FREM1: variants seen among roughly 807,000 people sequenced by gnomAD.
FREM1 encodes the protein FRAS1-related extracellular matrix protein 1.
A neutral mutation model predicts 210.1 loss-of-function variants in FREM1; 220 were observed. The ratio of observed to expected loss-of-function variants is 1.05; its 90% CI spans 0.94 to 1.17. The LOEUF is 1.17. Ranked by LOEUF, FREM1 falls within the 50% of genes most tolerant of loss-of-function variation. The pLI is 0.00. For synonymous variants in FREM1, 1,189 were observed against 980.2 expected, an observed-to-expected ratio of 1.21 and a Z score of -3.98; for missense variants, 3,454 against 2,675.5, an observed-to-expected ratio of 1.29 and a Z score of -6.42.
At chr9:14,747,128 C>A in intron 33 of FREM1, 77 bp from the exon 34 acceptor site, 1 of 1,599,608 alleles carries the variant, frequency 6.3e-7, no homozygotes, top group South Asian at 1.1e-5. Flanking sequence ...TCCTTTGGGT[C>A]TTCATTTGTT....
chr9:14,806,370 C>G (rs1818365738), intron 18 of FREM1, among the ~76,000 whole-genome samples: 1 of 151,832 alleles, frequency 6.6e-6, no homozygotes, highest in African/African-American at 2.4e-5. Context: ...ATTCTCCTGC[C>G]TCAGCCTCCC....
In FREM1 at chr9:14,822,765, G is replaced by C. The variant is rs1025879065; in HGVS notation, c.2337+395C>G. Among the ~76,000 whole-genome samples, 8 of 152,244 alleles carry C rather than the reference G, an allele frequency of 5.3e-5. No individual in the cohort carries two copies. In the East Asian group the frequency reaches 1.5e-3, roughly 29 times the overall value. On this transcript the variant is annotated intron_variant, in intron 13 of 36. Transcript: ENST00000380880. ...TCTTGATTCATTTTGGAAAATTAAA[G>C]AGCTTCTTTAGATTACAGAGCAGCA...
chr9:14,810,142 A>G (rs1014635941), intron 16 of FREM1, among the ~76,000 whole-genome samples: 2 of 152,000 alleles, frequency 1.3e-5, no homozygotes, highest in Non-Finnish European at 2.9e-5. Flanking sequence ...GAGTTTGCCA[A>G]GCAGATAAGG....
At chr9:14,799,971 C>T (rs571027272) in intron 20 of FREM1, among the ~76,000 whole-genome samples, 113 of 132,852 alleles carry the variant, frequency 8.5e-4, no homozygotes, top group Non-Finnish European at 1.5e-3. Context: ...CAACAGTCCC[C>T]AGAGTGTGAT....
At chr9:14,799,595 T>A (rs78961499) in intron 20 of FREM1, among the ~76,000 whole-genome samples, 11,323 of 152,100 alleles carry the variant, frequency 0.074, 674 homozygotes, top group African/African-American at 0.16. Flanking sequence ...TGTTATTTTT[T>A]AAAAAATTGA....
Position 14,897,546 on chromosome 9 carries a change from A to C in FREM1, c.-268+12368T>G, listed in dbSNP as rs534404317. On this transcript the variant is annotated intron_variant, in intron 1 of 36. Coordinates refer to ENST00000380880, the MANE Select transcript of FREM1 (RefSeq NM_001379081.2). Reference sequence around the variant, plus strand: ...GATGTAGTAAAGAAAAAAAAAGCGCAACACCTAAAACCAACAAAGAGGCTT... The same window carrying C: ...GATGTAGTAAAGAAAAAAAAAGCGCCACACCTAAAACCAACAAAGAGGCTT... 2.6e-4 allele frequency among the ~76,000 whole-genome samples: 40 copies of C among 152,142 alleles called. No homozygotes were observed. The South Asian group carries it at 7.7e-3, about 29-fold the overall frequency.
intron 2 of FREM1, among the ~76,000 whole-genome samples, chr9:14,866,593 C>G (rs532548228): frequency 3.3e-5 from 5 of 152,180 alleles, no homozygotes; most frequent in African/African-American, 1.2e-4. Flanking sequence ...AACTGGAAGA[C>G]AGCTTAGACA....
At chr9:14,850,103 C>A (rs1436190010) in intron 6 of FREM1, among the ~76,000 whole-genome samples, 1 of 152,200 alleles carries the variant, frequency 6.6e-6, no homozygotes, top group African/African-American at 2.4e-5. Context: ...CTCTATCAGT[C>A]TGCTCGTTTA....
At chr9:14,804,271 T>C (rs1817925313) in intron 19 of FREM1, among the ~76,000 whole-genome samples, 1 of 152,166 alleles carries the variant, frequency 6.6e-6, no homozygotes, top group South Asian at 2.1e-4. Context: ...CAGTAGTCTC[T>C]CTAGGGAATG....
At chr9:14,874,912 C>T (rs919957340) in intron 1 of FREM1, among the ~76,000 whole-genome samples, 42 of 152,110 alleles carry the variant, frequency 2.8e-4, no homozygotes, top group African/African-American at 9.9e-4. Flanking sequence ...TGTTTTATTT[C>T]TCCTTCACTT....
chr9:14,784,197 CTTTCCTTTTT>C (rs1311771095), intron 24 of FREM1, 163 bp downstream of exon 24: 1 of 537,298 alleles, frequency 1.9e-6, no homozygotes, highest in Non-Finnish European at 3.0e-6. Flanking sequence ...TTCTCCTTTT[CTTTCCTTTTT>C]TTAAAAAACA....
intron 27 of FREM1, among the ~76,000 whole-genome samples, chr9:14,766,161 C>G (rs1482037835): frequency 6.6e-6 from 1 of 152,170 alleles, no homozygotes; most frequent in Non-Finnish European, 1.5e-5. Context: ...GCTTTATTTC[C>G]TTATCCTCAG....
chr9:14,902,750 C>T (rs527880383), intron 1 of FREM1, among the ~76,000 whole-genome samples: 1 of 152,286 alleles, frequency 6.6e-6, no homozygotes, highest in African/African-American at 2.4e-5. Context: ...TTAGTCCTGT[C>T]TGAGGAATTT....
At chr9:14,746,310 G>C (rs771790384) in intron 35 of FREM1, 43 bp downstream of exon 35, 1 of 1,366,618 alleles carries the variant, frequency 7.3e-7, no homozygotes, top group South Asian at 1.2e-5. Flanking sequence ...TAGAGAAATA[G>C]AGAAAAGAAA....
intron 24 of FREM1, among the ~76,000 whole-genome samples, chr9:14,777,930 T>C (rs562111773): frequency 2.6e-4 from 39 of 152,290 alleles, no homozygotes; most frequent in Non-Finnish European, 5.1e-4. Context: ...ATGCTGAAGT[T>C]TTTTAGTTTT....
At chr9:14,803,176 T>A (rs1205751759) in intron 19 of FREM1, among the ~76,000 whole-genome samples, 1 of 135,030 alleles carries the variant, frequency 7.4e-6, no homozygotes, top group Non-Finnish European at 1.6e-5. Flanking sequence ...CTTTCTCTCT[T>A]TCCCTCCTTC....
At position 14,883,580 on chromosome 9, in the gene FREM1, C is replaced by G. The variant is rs577685431; in HGVS notation, c.-267-14336G>C. ...GGCCAGAAGAAAAACAGAACAACAG[C>G]AAAGCAAAGCAAAATTCTGAAGCAA... On this transcript the variant is annotated intron_variant, in intron 1 of 36. Transcript: ENST00000380880. Among the ~76,000 whole-genome samples the G allele has an allele frequency of 3.3e-5, 5 of 152,214 alleles. No individual in the cohort carries two copies. The East Asian group carries it at 9.6e-4, about 29-fold the overall frequency.
Position 14,784,383 on chromosome 9 carries a change from T to C in FREM1, c.4429A>G (p.Ser1477Gly). ...CATGGGGCTCACCTGAATCTGTCAC[T>C]GGAGACAGTCACCTTGCTCTTGTGT... ...YVHKSKVTVS[S>G]DRFRFIISNG... Residue 1477 changes from serine to glycine, a missense_variant, in exon 24 of 37, where the codon AGT (serine) becomes GGT (glycine). By Grantham distance (56) the Ser-to-Gly change is moderately conservative. Transcript: ENST00000380880. 1 of 1,613,598 alleles carries C rather than the reference T, an allele frequency of 6.2e-7. No individual in the cohort carries two copies. The highest frequency in any genetic ancestry group is 1.1e-5 in the South Asian group (1 of 91,026).
intron 2 of FREM1, among the ~76,000 whole-genome samples, chr9:14,866,160 C>T (rs780685912): frequency 2.6e-5 from 4 of 152,142 alleles, no homozygotes; most frequent in African/African-American, 9.7e-5. Flanking sequence ...TCTCAGCAAC[C>T]AAGGCAATTT....
Sources: allele counts gnomAD v4.1 joint callset (sites outside exome capture counted in the v4.1 genomes callset), GRCh38; gene constraint gnomAD v4.1.1; transcripts MANE v1.5; gene names NCBI Gene and HGNC (gene_info 2026-07-23, HGNC 2026-07-21).